The following ARHGAP29 variants were observed in gnomAD, a reference collection of about 807,000 sequenced individuals.
ARHGAP29 encodes the protein Rho GTPase activating protein 29.
A neutral mutation model predicts 122.6 loss-of-function variants in ARHGAP29; 43 were observed. The ratio of observed to expected loss-of-function variants is 0.35; its 90% CI spans 0.27 to 0.45. ARHGAP29 has a LOEUF of 0.45. Among genes scored for constraint, ARHGAP29 ranks in the 20% least tolerant of loss-of-function variants. ARHGAP29 has a pLI of 1.00. For missense variants in ARHGAP29, 1,303 were observed against 1,477.2 expected (o/e 0.88, Z 1.93); for synonymous variants, 506 against 497.1 (o/e 1.02, Z -0.24).
At chr1:94,178,830 T>A (rs879775182) in intron 20 of ARHGAP29, among the ~76,000 whole-genome samples, 6 of 152,230 alleles carry the variant, frequency 3.9e-5, no homozygotes, top group South Asian at 4.1e-4. Flanking sequence ...CAGTTTCTGC[T>A]ACTGCTTGCT....
the ARHGAP29 span, among the ~76,000 whole-genome samples, chr1:94,296,889 T>A: frequency 6.6e-6 from 1 of 152,218 alleles, no homozygotes; most frequent in East Asian, 1.9e-4. Flanking sequence ...GAACCATAAC[T>A]TTGTTATTCT....
chr1:94,247,798 T>G (rs1321621143), intron 1 of ARHGAP29: 1 of 334,528 alleles, frequency 3.0e-6, no homozygotes, highest in African/African-American at 2.2e-5. Flanking sequence ...CCCAGCCCAT[T>G]GGCCTGGCCC....
intron 1 of ARHGAP29, among the ~76,000 whole-genome samples, chr1:94,266,682 G>A (rs1172648120): frequency 6.6e-6 from 1 of 152,158 alleles, no homozygotes; most frequent in African/African-American, 2.4e-5. Context: ...TTCAGGTGGA[G>A]TACCTGTTAA....
chr1:94,203,302 G>A, intron 8 of ARHGAP29, 92 bp from the exon 9 acceptor site: 2 of 853,288 alleles, frequency 2.3e-6, no homozygotes, highest in South Asian at 2.3e-5. Context: ...GGGAAACTAA[G>A]TTTAGACTTT....
chr1:94,202,323 A>G, intron 11 of ARHGAP29: 1 of 614,216 alleles, frequency 1.6e-6, no homozygotes, highest in Non-Finnish European at 2.8e-6. Flanking sequence ...AGGTCTCAGC[A>G]TAGTGGTTCT....
At chr1:94,224,122 T>C (rs1178037478) in intron 2 of ARHGAP29, among the ~76,000 whole-genome samples, 1 of 152,214 alleles carries the variant, frequency 6.6e-6, no homozygotes, top group African/African-American at 2.4e-5. Context: ...AAAACCTTCC[T>C]GATGTGCTAT....
At chr1:94,299,135 T>C in the ARHGAP29 span, among the ~76,000 whole-genome samples, 1 of 151,512 alleles carries the variant, frequency 6.6e-6, no homozygotes. Flanking sequence ...CCTGCAGTAT[T>C]AATGTTGTTT....
intron 12 of ARHGAP29, among the ~76,000 whole-genome samples, chr1:94,196,266 T>C (rs1465357971): frequency 7.2e-6 from 1 of 138,830 alleles, no homozygotes; most frequent in Non-Finnish European, 1.6e-5. Context: ...CTTTTTTTTT[T>C]TTTTTTTTTT....
intron 1 of ARHGAP29, among the ~76,000 whole-genome samples, chr1:94,272,623 A>C (rs180968222): frequency 6.6e-6 from 1 of 152,334 alleles, no homozygotes; most frequent in Admixed American, 6.5e-5. Flanking sequence ...CCTCTGATGA[A>C]TAATCTCAGC....
chr1:94,245,092 ACT>A (rs1447797986), intron 1 of ARHGAP29, among the ~76,000 whole-genome samples: 1 of 152,212 alleles, frequency 6.6e-6, no homozygotes, highest in East Asian at 1.9e-4. Context: ...AGACTGAAAT[ACT>A]AAGTGTTGGT....
chr1:94,230,633 G>A (rs891379491), intron 2 of ARHGAP29, among the ~76,000 whole-genome samples: 4 of 151,658 alleles, frequency 2.6e-5, no homozygotes, highest in South Asian at 2.1e-4. Flanking sequence ...AAAGCCCCAA[G>A]AGGTCTCATA....
chr1:94,247,490 G>T (rs1368136491), intron 1 of ARHGAP29, among the ~76,000 whole-genome samples: 1 of 151,356 alleles, frequency 6.6e-6, no homozygotes, highest in Non-Finnish European at 1.5e-5. Flanking sequence ...GCAACTAGCC[G>T]GCGCCCGCGC....
At chr1:94,242,425 T>C (rs902806979), upstream of ARHGAP29, among the ~76,000 whole-genome samples, 2 of 152,010 alleles carry the variant, frequency 1.3e-5, no homozygotes, top group East Asian at 1.9e-4. Flanking sequence ...ATTTATAACA[T>C]ATACAGAAGC....
At position 94,204,007 on chromosome 1, in the gene ARHGAP29, A is replaced by G; in HGVS notation, c.698-13T>C. 1 of 1,611,286 alleles carries G rather than the reference A, an allele frequency of 6.2e-7. No homozygotes were observed. Among genetic ancestry groups the G allele is most frequent in the South Asian group, 1.1e-5 (1 of 90,950 alleles). On this transcript the variant is annotated splice_polypyrimidine_tract_variant and intron_variant, in intron 7 of 22. Coordinates refer to ENST00000260526, the MANE Select transcript of ARHGAP29 (RefSeq NM_004815.4). ...GTGGACTCCAATTCTGAAAAGTTCA[A>G]AGAGGGTATCAGAAGGTAAAATCAA...
chr1:94,237,354 C>A, intron 1 of ARHGAP29, 61 bp downstream of exon 1: 5 of 975,678 alleles, frequency 5.1e-6, no homozygotes, highest in Non-Finnish European at 6.1e-6. Flanking sequence ...CTCGCGCGGG[C>A]AACCCCAGCC....
chr1:94,270,160 C>T (rs1471727300), intron 1 of ARHGAP29, among the ~76,000 whole-genome samples: 1 of 152,166 alleles, frequency 6.6e-6, no homozygotes, highest in Non-Finnish European at 1.5e-5. Flanking sequence ...TGCTGGAGAC[C>T]TTGGTCAGAT....
chr1:94,270,835 G>A lies in ARHGAP29; in HGVS notation c.-33+4177C>T, dbSNP rs963029808. Among the ~76,000 whole-genome samples the A allele has an allele frequency of 1.1e-4, 16 of 152,376 alleles. 1 individual carries two copies. The highest frequency in any genetic ancestry group is 9.6e-4 in the East Asian group (5 of 5,192). On this transcript the variant is annotated intron_variant and NMD_transcript_variant, in intron 1 of 25. Coordinates refer to the ARHGAP29 transcript ENST00000552844. ...TCCCAATGGGCAGAGCTGCCAAGCAGTGTACTTGAATACCCACTTTGTGAA... is the reference window on the plus strand; with the variant it reads ...TCCCAATGGGCAGAGCTGCCAAGCAATGTACTTGAATACCCACTTTGTGAA...
At chr1:94,309,375 A>G in the ARHGAP29 span, among the ~76,000 whole-genome samples, 1 of 152,168 alleles carries the variant, frequency 6.6e-6, no homozygotes, top group African/African-American at 2.4e-5. Flanking sequence ...GCTATAACAC[A>G]GCTGCCTCCT....
In ARHGAP29 at chr1:94,208,865, T is replaced by C; in HGVS notation, c.477A>G (p.Ser159=). The C allele has an allele frequency of 1.9e-6, 3 of 1,614,064 alleles. No homozygotes were observed. Among genetic ancestry groups the C allele is most frequent in the Non-Finnish European group, 1.7e-6 (2 of 1,179,970 alleles). ...NFLMGDVGND[S]LLRLPVSRET... is the part of the protein sequence containing the mutation. ...CTCGAGAAACAGGCAGTCGCAATAA[T>C]GAATCATTGCCTACATCTCCCATAA... is the stretch of plus-strand genomic sequence containing the variant. Residue 159 remains serine (S), a synonymous_variant, in exon 5 of 23, where the codon TCA becomes TCG. Transcript: ENST00000260526.
Sources: gnomAD v4.1 joint callset for allele counts (sites outside exome capture counted in the v4.1 genomes callset) on GRCh38, gnomAD v4.1.1 for gene constraint, MANE v1.5 for transcripts, NCBI Gene and HGNC (gene_info 2026-07-23, HGNC 2026-07-21) for gene names.